QSOX1: variants seen among roughly 807,000 people sequenced by gnomAD.
The protein encoded by QSOX1 is quiescin sulfhydryl oxidase 1.
A neutral mutation model predicts 76.1 loss-of-function variants in QSOX1; 40 were observed. The ratio of observed to expected loss-of-function variants is 0.53; its 90% CI spans 0.41 to 0.68. The LOEUF is 0.68. QSOX1 is among the 30% of genes least tolerant of loss of function. QSOX1 has a pLI of 0.00. For synonymous variants in QSOX1, 392 were observed against 413.1 expected (o/e 0.95, Z 0.62); for missense variants, 931 against 974.3 (o/e 0.96, Z 0.59).
At position 180,194,288 on chromosome 1, in the gene QSOX1, A is replaced by G. The variant is rs141786318; in HGVS notation, c.1364A>G (p.His455Arg). The change falls in exon 11 of 12, where the codon CAC (histidine) becomes CGC (arginine). Residue 455 changes from histidine (H) to arginine (R), a missense_variant. His to Arg is a conservative substitution (Grantham distance 29). Coordinates refer to ENST00000367602, the MANE Select transcript of QSOX1 (RefSeq NM_002826.5). ...TTCGGCTGCCGAGACTGCGCTAGCC[A>G]CTTCGAGCAGATGGCTGCTGCCTCC... is the stretch of plus-strand genomic sequence containing the variant. ...YFFGCRDCAS[H>R]FEQMAAASMH... 1.4e-5 allele frequency: 22 copies of G among 1,612,708 alleles called. No individual in the cohort carries two copies. Among genetic ancestry groups the G allele is most frequent in the Non-Finnish European group, 1.9e-5 (22 of 1,179,278 alleles).
At chr1:180,190,403 T>C in intron 9 of QSOX1, 30 bp from the exon 10 acceptor site, 1 of 1,600,402 alleles carries the variant, frequency 6.2e-7, no homozygotes. Flanking sequence ...TCCTTCTCCA[T>C]ATGTGCACTC....
chr1:180,199,098 A>G lies in QSOX1; in HGVS notation c.*2061A>G, dbSNP rs1243288109. The G allele has an allele frequency of 6.6e-6, 1 of 151,598 alleles. No homozygotes were observed. The highest frequency in any genetic ancestry group is 1.5e-5 in the Non-Finnish European group (1 of 67,910). The allele number at this position is 151,598 out of a possible 1,614,324, so 9.4% of individuals were successfully genotyped here. On this transcript the variant is annotated 3_prime_UTR_variant, in exon 12 of 12. Coordinates refer to ENST00000367602, the MANE Select transcript of QSOX1 (RefSeq NM_002826.5). ...GTCCACGGAGTGGTGTGGACCTCCCACCTCACAGCTGCCTCTGGCAGCCAA... is the reference window on the plus strand; with the variant it reads ...GTCCACGGAGTGGTGTGGACCTCCCGCCTCACAGCTGCCTCTGGCAGCCAA...
At chr1:180,189,482 A>C in intron 8 of QSOX1, 70 bp from the exon 9 acceptor site, 1 of 911,856 alleles carries the variant, frequency 1.1e-6, no homozygotes, top group African/African-American at 2.1e-5. Flanking sequence ...ATAGCTTCCT[A>C]CCATCTGCAG....
chr1:180,182,151 C>A, intron 5 of QSOX1, 23 bp from the exon 6 acceptor site: 1 of 1,612,882 alleles, frequency 6.2e-7, no homozygotes. Flanking sequence ...GCCTGGCCCC[C>A]AGATGTTCTG....
intron 11 of QSOX1, among the ~76,000 whole-genome samples, chr1:180,195,745 C>T (rs1331420147): frequency 6.6e-6 from 1 of 152,270 alleles, no homozygotes; most frequent in African/African-American, 2.4e-5. Flanking sequence ...TTGCCATGAG[C>T]AGCTGCCTCT....
intron 2 of QSOX1, among the ~76,000 whole-genome samples, chr1:180,168,515 G>A (rs971305230): frequency 2.0e-5 from 3 of 152,224 alleles, no homozygotes; most frequent in East Asian, 1.9e-4. Flanking sequence ...CCTATGCAGC[G>A]GCTCTCAAAT....
At chr1:180,187,041 T>G (rs1663192721) in intron 8 of QSOX1, among the ~76,000 whole-genome samples, 4 of 152,232 alleles carry the variant, frequency 2.6e-5, no homozygotes, top group Admixed American at 6.5e-5. Context: ...CCCTTGGCCC[T>G]GGGGCCCGGA....
chr1:180,191,903 T>C (rs912426760), intron 10 of QSOX1, among the ~76,000 whole-genome samples: 10 of 151,946 alleles, frequency 6.6e-5, no homozygotes, highest in African/African-American at 2.4e-4. Flanking sequence ...GGTGGAGGTG[T>C]CTGTGCTGGT....
At position 180,183,966 on chromosome 1, in the gene QSOX1, G is replaced by A. The variant is rs758537573; in HGVS notation, c.803G>A (p.Gly268Glu). Residue 268 changes from glycine to glutamate, a missense_variant, in exon 7 of 12, where the codon GGG (glycine) becomes GAG (glutamate). By Grantham distance (98) the Gly-to-Glu change is moderately conservative. Coordinates refer to ENST00000367602, the MANE Select transcript of QSOX1 (RefSeq NM_002826.5). ...ACCGCTTACCTGCAGAGACTCTCTG[G>A]GCTCACCAGGGAGGCTGCCCAGACC... is the stretch of plus-strand genomic sequence containing the variant. ...FYTAYLQRLS[G>E]LTREAAQTTV... The A allele has an allele frequency of 1.2e-6, 2 of 1,613,694 alleles. No homozygotes were observed. Among genetic ancestry groups the A allele is most frequent in the East Asian group, 2.2e-5 (1 of 44,860 alleles).
intron 1 of QSOX1, among the ~76,000 whole-genome samples, chr1:180,158,869 G>T (rs527712505): frequency 1.3e-5 from 2 of 152,336 alleles, no homozygotes; most frequent in East Asian, 3.9e-4. Flanking sequence ...GGTTGTCAGA[G>T]CTAGAAGGGG....
At chr1:180,182,396 C>T (rs920399844) in intron 6 of QSOX1, 77 bp downstream of exon 6, 5 of 1,561,884 alleles carry the variant, frequency 3.2e-6, no homozygotes, top group Non-Finnish European at 4.4e-6. Flanking sequence ...AGGGGCTGCC[C>T]GCCTTTCACA....
chr1:180,155,200 C>T (rs1057298836), intron 1 of QSOX1, 28 bp downstream of exon 1: 18 of 1,455,246 alleles, frequency 1.2e-5, no homozygotes, highest in African/African-American at 5.9e-5. Flanking sequence ...CCCGCTCCCC[C>T]GTGCCCCGCC....
intron 6 of QSOX1, among the ~76,000 whole-genome samples, chr1:180,183,337 C>T (rs1312747121): frequency 6.6e-6 from 1 of 150,682 alleles, no homozygotes. Flanking sequence ...GTATCCCGTG[C>T]CCTGGAGGAC....
chr1:180,182,256 G>A lies in QSOX1; in HGVS notation c.689G>A (p.Gly230Asp), dbSNP rs763729449. 8.1e-6 allele frequency: 13 copies of A among 1,614,118 alleles called. No individual in the cohort carries two copies. The highest frequency in any genetic ancestry group is 1.1e-5 in the South Asian group (1 of 91,092). ...NTEANVVRKFGVTDFPSCYLL... is the reference protein window; with the variant it reads ...NTEANVVRKFDVTDFPSCYLL... ...GAGGCCAATGTGGTGAGAAAGTTTG[G>A]TGTCACCGACTTCCCCTCTTGCTAC... Residue 230 changes from glycine to aspartate, a missense_variant, in exon 6 of 12, where the codon GGT becomes GAT. Coordinates refer to ENST00000367602, the MANE Select transcript of QSOX1 (RefSeq NM_002826.5).
chr1:180,183,549 T>A (rs1347989321), intron 6 of QSOX1, among the ~76,000 whole-genome samples: 1 of 152,116 alleles, frequency 6.6e-6, no homozygotes, highest in Admixed American at 6.6e-5. Context: ...CTCGGGGTCC[T>A]TGGGGAAGGG....
In QSOX1 at chr1:180,203,683, A is replaced by G. The variant is rs999905770; in HGVS notation, c.*6646A>G. 5 of 152,254 alleles carry G rather than the reference A, an allele frequency of 3.3e-5. No homozygotes were observed. The highest frequency in any genetic ancestry group is 1.2e-4 in the African/African-American group (5 of 41,466). 9.4% of individuals were successfully genotyped at this position (152,254 alleles called of 1,614,324 possible). A position where few individuals can be genotyped will look rare whatever the true frequency, so the allele number is the denominator to read the frequency against. ...AGACCAAACCAATATGGAGTCATTC[A>G]TGCTAAATGAAACTAGTTAGGAGTA... On this transcript the variant is annotated 3_prime_UTR_variant, in exon 12 of 12. Transcript: ENST00000367602.
chr1:180,166,418 G>C (rs1418096084), intron 1 of QSOX1, 73 bp from the exon 2 acceptor site: 1 of 1,229,952 alleles, frequency 8.1e-7, no homozygotes, highest in Non-Finnish European at 1.2e-6. Flanking sequence ...GTGAGGCATT[G>C]CATTAGGGGA....
chr1:180,174,095 A>G (rs930859850), intron 2 of QSOX1, among the ~76,000 whole-genome samples: 1 of 152,244 alleles, frequency 6.6e-6, no homozygotes, highest in African/African-American at 2.4e-5. Flanking sequence ...GCAGAAGTCC[A>G]AGGTAGTGAA....
At chr1:180,183,713 G>A (rs746784802) in intron 6 of QSOX1, among the ~76,000 whole-genome samples, 35 of 152,238 alleles carry the variant, frequency 2.3e-4, no homozygotes, top group Non-Finnish European at 4.0e-4. Context: ...AGGCTTTCCA[G>A]AGCATGTGCA....
Sources: allele counts gnomAD v4.1 joint callset (sites outside exome capture counted in the v4.1 genomes callset), GRCh38; gene constraint gnomAD v4.1.1; transcripts MANE v1.5; gene names NCBI Gene and HGNC (gene_info 2026-07-23, HGNC 2026-07-21).